The following IKZF2 variants were observed in gnomAD, a reference collection of about 807,000 sequenced individuals.
IKZF2 encodes the protein IKAROS family zinc finger 2.
A neutral mutation model predicts 49.2 loss-of-function variants in IKZF2; 15 were observed. The observed-to-expected ratio is 0.30, with a 90% CI of 0.20 to 0.47. The LOEUF is 0.47. Among genes scored for constraint, IKZF2 ranks in the 20% least tolerant of loss-of-function variants. The probability of loss-of-function intolerance (pLI) is 1.00; values close to 1 mark genes in which losing one functional copy is unlikely to be tolerated. For missense variants in IKZF2, 567 were observed against 664.6 expected (o/e 0.85, Z 1.61); for synonymous variants, 227 against 221.4 (o/e 1.03, Z -0.23).
chr2:213,076,488 A>G (rs1271746334), intron 4 of IKZF2, among the ~76,000 whole-genome samples: 1 of 152,210 alleles, frequency 6.6e-6, no homozygotes, highest in Non-Finnish European at 1.5e-5. Flanking sequence ...CTATCGATCT[A>G]TCTTCAGCAG....
chr2:213,038,583 A>AT (rs1699282053), intron 6 of IKZF2, among the ~76,000 whole-genome samples: 2 of 141,970 alleles, frequency 1.4e-5, no homozygotes, highest in South Asian at 4.8e-4. Context: ...GGAAGTCATT[A>AT]CAAAAAAAAA....
intron 4 of IKZF2, among the ~76,000 whole-genome samples, chr2:213,090,758 G>A (rs1365664386): frequency 6.6e-6 from 1 of 152,150 alleles, no homozygotes; most frequent in Non-Finnish European, 1.5e-5. Flanking sequence ...GGGTGATGCA[G>A]ATATAAGCCA....
At chr2:213,138,464 C>G (rs2060753909) in intron 4 of IKZF2, among the ~76,000 whole-genome samples, 1 of 151,932 alleles carries the variant, frequency 6.6e-6, no homozygotes, top group African/African-American at 2.4e-5. Flanking sequence ...ATTTCAACAA[C>G]TAAGAAATCA....
At chr2:213,152,001 C>T (rs1467125821), upstream of IKZF2, 2 of 151,952 alleles carry the variant, frequency 1.3e-5, no homozygotes, top group Non-Finnish European at 2.9e-5. Flanking sequence ...CGCGCCCGGC[C>T]GCGTCGCCCC....
At position 213,080,738 on chromosome 2, in the gene IKZF2, G is replaced by A. The variant is rs371927618; in HGVS notation, c.140-23639C>T. The stretch of plus-strand genomic sequence containing the variant: ...TGACAAATTTAAGATAAAGGACATG[G>A]GCTAGCCATGGCAAGAAATGGTTTA... On this transcript the variant is annotated intron_variant, in intron 4 of 8. Coordinates refer to ENST00000434687, the MANE Select transcript of IKZF2 (RefSeq NM_001387220.1). 1.1e-3 allele frequency among the ~76,000 whole-genome samples: 167 copies of A among 152,064 alleles called. 4 individuals are homozygous for A. The South Asian group carries it at 0.03, about 28-fold the overall frequency.
intron 4 of IKZF2, among the ~76,000 whole-genome samples, chr2:213,067,802 T>TA (rs1454499655): frequency 6.6e-6 from 1 of 152,012 alleles, no homozygotes; most frequent in Non-Finnish European, 1.5e-5. Flanking sequence ...CTATGCACTG[T>TA]AAAATATTTA....
chr2:213,009,851 A>G (rs1425038798), intron 8 of IKZF2, among the ~76,000 whole-genome samples: 1 of 152,100 alleles, frequency 6.6e-6, no homozygotes, highest in Non-Finnish European at 1.5e-5. Context: ...GTGAAGAAAC[A>G]TGAGGTGGAG....
In IKZF2 at chr2:213,108,803, T is replaced by TAA. The variant is rs572873957; in HGVS notation, c.139+38903_139+38904dup. Among the ~76,000 whole-genome samples, 879 of 150,840 alleles carry TAA rather than the reference T, an allele frequency of 5.8e-3. 10 individuals are homozygous for TAA. Among genetic ancestry groups the TAA allele is most frequent in the African/African-American group, 0.021 (846 of 41,200 alleles). On this transcript the variant is annotated intron_variant, in intron 4 of 8. Coordinates refer to ENST00000434687, the MANE Select transcript of IKZF2 (RefSeq NM_001387220.1). ...ATATAAAAGTAATATATGCTTATTG[T>TAA]AAAAAAAAATGTAAAATCTATAAAA...
At chr2:213,025,791 T>C (rs1697755536) in intron 6 of IKZF2, among the ~76,000 whole-genome samples, 1 of 152,142 alleles carries the variant, frequency 6.6e-6, no homozygotes, top group African/African-American at 2.4e-5. Flanking sequence ...GTTACCACTG[T>C]TCTAATACTC....
chr2:213,119,344 C>T (rs191632467), intron 4 of IKZF2, among the ~76,000 whole-genome samples: 1 of 152,254 alleles, frequency 6.6e-6, no homozygotes, highest in Admixed American at 6.5e-5. Context: ...TCTAAGTACT[C>T]ATCCTACCAC....
chr2:213,133,830 C>A (rs2060561457), intron 4 of IKZF2, among the ~76,000 whole-genome samples: 1 of 152,046 alleles, frequency 6.6e-6, no homozygotes. Context: ...AAGTTTTGAT[C>A]AGCACATTCT....
intron 4 of IKZF2, among the ~76,000 whole-genome samples, chr2:213,080,915 T>C (rs1278057573): frequency 6.6e-6 from 1 of 152,208 alleles, no homozygotes; most frequent in African/African-American, 2.4e-5. Context: ...CATCTTGACC[T>C]ATTGTTAAAT....
chr2:213,054,184 C>T (rs1459638536), intron 5 of IKZF2, among the ~76,000 whole-genome samples: 1 of 151,746 alleles, frequency 6.6e-6, no homozygotes, highest in African/African-American at 2.4e-5. Flanking sequence ...GTGGAGGGTG[C>T]AGTGATCCAA....
At chr2:213,044,588 G>A (rs1181771847) in intron 6 of IKZF2, among the ~76,000 whole-genome samples, 2 of 152,180 alleles carry the variant, frequency 1.3e-5, no homozygotes, top group Non-Finnish European at 1.5e-5. Flanking sequence ...AAGGCTTTGG[G>A]AGCCATGGCA....
At chr2:213,053,774 G>T (rs140994621) in intron 5 of IKZF2, among the ~76,000 whole-genome samples, 1 of 152,072 alleles carries the variant, frequency 6.6e-6, no homozygotes, top group Non-Finnish European at 1.5e-5. Context: ...TGGAGTATCC[G>T]ATGACAATAT....
chr2:213,083,376 C>T (rs561603113), intron 4 of IKZF2, among the ~76,000 whole-genome samples: 1 of 141,822 alleles, frequency 7.1e-6, no homozygotes, highest in African/African-American at 2.7e-5. Context: ...TCTCATAGGA[C>T]GGCGAACCTT....
intron 6 of IKZF2, among the ~76,000 whole-genome samples, chr2:213,041,886 A>AAAAC (rs769309356): frequency 4.7e-4 from 72 of 152,244 alleles, no homozygotes; most frequent in Admixed American, 1.8e-3. Context: ...GCAAAATACT[A>AAAAC]AAACAAACAA....
At chr2:213,030,076 CT>C (rs1386414300) in intron 6 of IKZF2, among the ~76,000 whole-genome samples, 1 of 152,050 alleles carries the variant, frequency 6.6e-6, no homozygotes, top group Non-Finnish European at 1.5e-5. Flanking sequence ...AAATTGATCT[CT>C]GTATATATTA....
chr2:213,056,594 T>C (rs532925007), intron 5 of IKZF2: 16 of 623,896 alleles, frequency 2.6e-5, no homozygotes, highest in African/African-American at 1.8e-4. Context: ...ATTATTGCTA[T>C]ATTAAGAACT....
Sources: gnomAD v4.1 joint callset for allele counts (sites outside exome capture counted in the v4.1 genomes callset) on GRCh38, gnomAD v4.1.1 for gene constraint, MANE v1.5 for transcripts, NCBI Gene and HGNC (gene_info 2026-07-23, HGNC 2026-07-21) for gene names.